The following CHRDL1 variants were observed in gnomAD, a reference collection of about 807,000 sequenced individuals.
CHRDL1 encodes chordin-like protein 1.
A neutral mutation model predicts 40.9 loss-of-function variants in CHRDL1; 19 were observed. The ratio of observed to expected loss-of-function variants is 0.46; its 90% CI spans 0.32 to 0.68. CHRDL1 has a LOEUF of 0.68. Among genes scored for constraint, CHRDL1 ranks in the 30% least tolerant of loss-of-function variants. The pLI is 0.03. For missense variants in CHRDL1, 329 were observed against 352.1 expected (o/e 0.93, Z 0.53); for synonymous variants, 136 against 123.4 (o/e 1.10, Z -0.68).
intron 6 of CHRDL1, among the ~76,000 whole-genome samples, chrX:110,705,895 C>G (rs1382170973): frequency 9.1e-6 from 1 of 109,987 alleles, no homozygotes; most frequent in Non-Finnish European, 1.9e-5. Context: ...TCTGAGCTTT[C>G]AAAGTCATCA....
intron 6 of CHRDL1, among the ~76,000 whole-genome samples, chrX:110,714,277 A>C (rs1454749459): frequency 9.0e-6 from 1 of 111,209 alleles, no homozygotes; most frequent in East Asian, 2.8e-4. Flanking sequence ...GGGGAAAAAA[A>C]AAGACACATG....
intron 6 of CHRDL1, among the ~76,000 whole-genome samples, chrX:110,719,260 G>A (rs2070900529): frequency 9.0e-6 from 1 of 110,711 alleles, no homozygotes; most frequent in African/African-American, 3.3e-5. Context: ...GGAACCTAGC[G>A]AAAAAACTGG....
intron 6 of CHRDL1, among the ~76,000 whole-genome samples, chrX:110,714,692 C>T (rs1381632053): frequency 9.0e-6 from 1 of 111,630 alleles, no homozygotes; most frequent in Non-Finnish European, 1.9e-5. Context: ...TCTAGGATTG[C>T]TGTCTGACCC....
Position 110,688,789 on chromosome X carries a change from C to T in CHRDL1, c.793G>A (p.Gly265Arg). ...GACTCGCCATGAGAATAGGTCTTTC[C>T]ATTGGAAACACACACTGAAAGAGAA... ...HKHGQVCVSN[G>R]KTYSHGESWH... is the part of the protein sequence containing the mutation. Residue 265 changes from glycine to arginine, a missense_variant, in exon 9 of 12, where the codon GGA (glycine) becomes AGA (arginine). By Grantham distance (125) the Gly-to-Arg change is moderately radical. Transcript: ENST00000372042. 8.3e-7 allele frequency: 1 copy of T among 1,201,290 alleles called. No individual in the cohort carries two copies. Among genetic ancestry groups the T allele is most frequent in the Non-Finnish European group, 1.1e-6 (1 of 887,325 alleles).
intron 2 of CHRDL1, among the ~76,000 whole-genome samples, chrX:110,771,651 C>T (rs2089762010): frequency 9.0e-6 from 1 of 111,540 alleles, no homozygotes. Flanking sequence ...GACAGACAGT[C>T]TCTGCAAACT....
chrX:110,755,956 T>C (rs1290269579), intron 4 of CHRDL1, among the ~76,000 whole-genome samples: 1 of 111,875 alleles, frequency 8.9e-6, no homozygotes, highest in African/African-American at 3.2e-5. Context: ...GTAAAGAGAC[T>C]AAAATTATCC....
chrX:110,687,968 T>C (rs978992556), intron 9 of CHRDL1, among the ~76,000 whole-genome samples: 1 of 112,028 alleles, frequency 8.9e-6, no homozygotes, highest in East Asian at 2.8e-4. Flanking sequence ...GGTTTTATGA[T>C]TGATTAGTTG....
At chrX:110,686,903 A>AC (rs1556328869) in intron 9 of CHRDL1, among the ~76,000 whole-genome samples, 1 of 107,116 alleles carries the variant, frequency 9.3e-6, no homozygotes, top group African/African-American at 3.5e-5. Flanking sequence ...AAAAATAAAA[A>AC]AAAAAATAAA....
Position 110,789,314 on chromosome X carries a change from A to G in CHRDL1, c.94+2774T>C, listed in dbSNP as rs2090063596. ...TATAATCTTGGTGAAGGAATTAGAA[A>G]TGGACTTTCATACATAGATGGTGGG... On this transcript the variant is annotated intron_variant, in intron 2 of 11. Coordinates refer to ENST00000372042, the MANE Select transcript of CHRDL1 (RefSeq NM_001143981.2). 2.7e-5 allele frequency among the ~76,000 whole-genome samples: 3 copies of G among 112,033 alleles called. No individual in the cohort carries two copies. In the South Asian group the frequency reaches 1.1e-3, roughly 41 times the overall value.
chrX:110,727,910 T>C (rs184148677), intron 4 of CHRDL1, among the ~76,000 whole-genome samples: 15 of 111,903 alleles, frequency 1.3e-4, no homozygotes, highest in African/African-American at 4.5e-4. Flanking sequence ...TTGTAATGGC[T>C]GAATATGGAA....
chrX:110,737,325 G>A (rs1369954109), intron 4 of CHRDL1, among the ~76,000 whole-genome samples: 2 of 111,580 alleles, frequency 1.8e-5, no homozygotes, highest in Non-Finnish European at 3.8e-5. Flanking sequence ...CTACTTACTG[G>A]GCCAATGGAA....
chrX:110,697,909 G>A (rs1484445344), intron 7 of CHRDL1, among the ~76,000 whole-genome samples: 2 of 100,184 alleles, frequency 2.0e-5, no homozygotes, highest in South Asian at 5.1e-4. Flanking sequence ...ATGGCACGAG[G>A]ACCAATTCAT....
At chrX:110,686,163 C>T (rs1049192178) in intron 9 of CHRDL1, among the ~76,000 whole-genome samples, 3 of 111,318 alleles carry the variant, frequency 2.7e-5, no homozygotes, top group Non-Finnish European at 3.8e-5. Context: ...ACCCAAAATG[C>T]TGGTATTACA....
intron 2 of CHRDL1, among the ~76,000 whole-genome samples, chrX:110,782,253 C>T (rs778666005): frequency 3.9e-4 from 44 of 112,186 alleles, no homozygotes; most frequent in African/African-American, 1.4e-3. Flanking sequence ...CTTACAACAA[C>T]CCTACAAGGT....
rs965364188 is a variant in CHRDL1, at chrX:110,759,777, A to G, written c.208-23T>C. Reference sequence around the variant, plus strand: ...ATTCTGAAAAAGAGAAGGCAATGAGAAAAAATAAATGTCTTTCAAAGGTCG... The same window carrying G: ...ATTCTGAAAAAGAGAAGGCAATGAGGAAAAATAAATGTCTTTCAAAGGTCG... On this transcript the variant is annotated intron_variant, in intron 3 of 11. Transcript: ENST00000372042. 3.6e-6 allele frequency: 4 copies of G among 1,098,897 alleles called. No individual in the cohort carries two copies. In the African/African-American group the frequency reaches 7.2e-5, roughly 20 times the overall value. The allele number at this position is 1,098,897 out of a possible 1,213,427, so 90.6% of individuals were successfully genotyped here. A position where few individuals can be genotyped will look rare whatever the true frequency, so the allele number is the denominator to read the frequency against.
intron 4 of CHRDL1, among the ~76,000 whole-genome samples, chrX:110,744,186 C>A (rs1012091696): frequency 7.1e-5 from 8 of 112,388 alleles, no homozygotes; most frequent in Non-Finnish European, 1.3e-4. Flanking sequence ...CAGGCGCACT[C>A]ACATTGAACT....
chrX:110,757,831 T>C (rs1262378999), intron 4 of CHRDL1, among the ~76,000 whole-genome samples: 4 of 111,521 alleles, frequency 3.6e-5, no homozygotes, highest in African/African-American at 1.3e-4. Context: ...TATTTTTCTC[T>C]CAAAATAACT....
intron 2 of CHRDL1, among the ~76,000 whole-genome samples, chrX:110,777,973 G>A (rs1019374784): frequency 4.5e-5 from 5 of 110,764 alleles, no homozygotes. Flanking sequence ...TTTGATCTTC[G>A]ACAAAGTCAA....
chrX:110,708,167 A>C (rs767682732), intron 6 of CHRDL1, among the ~76,000 whole-genome samples: 1 of 111,176 alleles, frequency 9.0e-6, no homozygotes, highest in Non-Finnish European at 1.9e-5. Context: ...AGGATGAGAA[A>C]TTGGAACACT....
Sources: allele counts gnomAD v4.1 joint callset (sites outside exome capture counted in the v4.1 genomes callset), GRCh38; gene constraint gnomAD v4.1.1; transcripts MANE v1.5; gene names NCBI Gene and HGNC (gene_info 2026-07-23, HGNC 2026-07-21).